The following PLD5 variants were observed in gnomAD, a reference collection of about 807,000 sequenced individuals.
PLD5 encodes inactive phospholipase D5.
PLD5 carries 36 observed loss-of-function variants against 61.1 expected under a neutral mutation model. The ratio of observed to expected loss-of-function variants is 0.59; its 90% CI spans 0.45 to 0.78. The LOEUF (loss-of-function observed/expected upper bound fraction) is 0.78. PLD5 is among the 30% of genes least tolerant of loss of function. The pLI is 0.00. For missense variants in PLD5, 515 were observed against 644.4 expected (o/e 0.80, Z 2.17); for synonymous variants, 243 against 242.8 (o/e 1.00, Z -0.01).
intron 1 of PLD5, among the ~76,000 whole-genome samples, chr1:242,379,360 C>T (rs1367344156): frequency 2.0e-5 from 3 of 152,184 alleles, no homozygotes; most frequent in East Asian, 1.9e-4. Flanking sequence ...CTTCTCTGCA[C>T]GTACCTGGTT....
chr1:242,194,602 CTATG>C (rs773122372), intron 5 of PLD5, among the ~76,000 whole-genome samples: 4,272 of 78,154 alleles, frequency 0.055, 128 homozygotes, highest in African/African-American at 0.12. Flanking sequence ...ATCTATCTAT[CTATG>C]TATCTATCTA....
intron 7 of PLD5, 142 bp from the exon 8 acceptor site, chr1:242,107,981 A>T (rs1661196453): frequency 1.3e-6 from 1 of 760,280 alleles, no homozygotes; most frequent in African/African-American, 1.8e-5. Flanking sequence ...GGAGAGGCTG[A>T]AAAACATACA....
intron 1 of PLD5, among the ~76,000 whole-genome samples, chr1:242,421,114 A>G (rs1665116818): frequency 6.8e-6 from 1 of 146,192 alleles, no homozygotes; most frequent in Admixed American, 7.0e-5. Flanking sequence ...CTGGAGGTGA[A>G]GGTTGCAGTG....
intron 4 of PLD5, among the ~76,000 whole-genome samples, chr1:242,259,095 G>C (rs1673242037): frequency 6.6e-6 from 1 of 152,172 alleles, no homozygotes; most frequent in South Asian, 2.1e-4. Context: ...TAGATGGTAA[G>C]ATCAACCAGG....
At chr1:242,386,559 A>T (rs1441889365) in intron 1 of PLD5, among the ~76,000 whole-genome samples, 1 of 152,186 alleles carries the variant, frequency 6.6e-6, no homozygotes, top group Non-Finnish European at 1.5e-5. Context: ...AATGTGTCCC[A>T]AGCATCACAA....
In PLD5 at chr1:242,089,921, T is replaced by C; in HGVS notation, c.1544A>G (p.Lys515Arg). 6.2e-7 allele frequency: 1 copy of C among 1,614,188 alleles called. No homozygotes were observed. The highest frequency in any genetic ancestry group is 1.3e-5 in the African/African-American group (1 of 75,040). The stretch of plus-strand genomic sequence containing the variant: ...AGTTTTGTTGGAGAGGGGTTTGAGT[T>C]TGAACAGGCTTGAGCAGTTCGGCTG... The part of the protein sequence containing the change: ...TKQPNCSSLF[K>R]LKPLSNKTAT... Residue 515 changes from lysine to arginine, a missense_variant, in exon 10 of 10, where the codon AAA becomes AGA. Lys to Arg is a conservative substitution (Grantham distance 26). Around this residue, in one of 2 missense-constraint regions of PLD5, gnomAD observed 450 missense variants for 598.1 expected, o/e 0.75. Coordinates refer to ENST00000536534, the MANE Select transcript of PLD5 (RefSeq NM_001372062.1).
chr1:242,246,518 A>ACACACACCCAC (rs1256880675), intron 4 of PLD5, among the ~76,000 whole-genome samples: 1 of 73,634 alleles, frequency 1.4e-5, no homozygotes, highest in East Asian at 3.7e-4. Context: ...CACACACACA[A>ACACACACCCAC]AAGCAAAATC....
intron 1 of PLD5, among the ~76,000 whole-genome samples, chr1:242,514,700 G>T (rs1189633519): frequency 2.6e-5 from 4 of 152,186 alleles, no homozygotes; most frequent in Non-Finnish European, 5.9e-5. Context: ...AGAGTGAGTA[G>T]TTTAGTGGGA....
At chr1:242,202,908 G>A (rs1254007511) in intron 5 of PLD5, among the ~76,000 whole-genome samples, 1 of 152,022 alleles carries the variant, frequency 6.6e-6, no homozygotes. Flanking sequence ...ATGCAGGCGG[G>A]GATGCCAGGT....
intron 1 of PLD5, among the ~76,000 whole-genome samples, chr1:242,407,117 C>G (rs1664273356): frequency 6.6e-6 from 1 of 152,078 alleles, no homozygotes; most frequent in Non-Finnish European, 1.5e-5. Context: ...GGGGGCGGGT[C>G]TTTCTCATGA....
At chr1:242,403,516 G>A (rs1664057616) in intron 1 of PLD5, among the ~76,000 whole-genome samples, 1 of 150,780 alleles carries the variant, frequency 6.6e-6, no homozygotes, top group Non-Finnish European at 1.5e-5. Context: ...CCAGGCTGGA[G>A]TGCAATGGCA....
chr1:242,228,936 C>T (rs1179015918), intron 4 of PLD5, among the ~76,000 whole-genome samples: 3 of 152,184 alleles, frequency 2.0e-5, no homozygotes, highest in African/African-American at 7.2e-5. Context: ...AAGGATTTTC[C>T]TTCTTTCCTA....
intron 1 of PLD5, among the ~76,000 whole-genome samples, chr1:242,400,475 T>C (rs1444981942): frequency 1.3e-5 from 2 of 152,116 alleles, no homozygotes; most frequent in African/African-American, 2.4e-5. Context: ...AGTAAATGCA[T>C]AGTCTCTGAT....
chr1:242,168,249 C>T (rs531907911), intron 5 of PLD5, among the ~76,000 whole-genome samples: 10 of 152,228 alleles, frequency 6.6e-5, no homozygotes, highest in South Asian at 2.1e-4. Flanking sequence ...GTAATATGAA[C>T]GTGTCAACAA....
chr1:242,337,573 G>C (rs1414462960), intron 2 of PLD5, among the ~76,000 whole-genome samples: 3 of 152,214 alleles, frequency 2.0e-5, no homozygotes, highest in African/African-American at 7.2e-5. Context: ...AGAGGTTGCA[G>C]TGAGCCAAGA....
chr1:242,516,158 T>C (rs973533730), intron 1 of PLD5, among the ~76,000 whole-genome samples: 1 of 151,686 alleles, frequency 6.6e-6, no homozygotes, highest in African/African-American at 2.4e-5. Context: ...CTGTCTACAT[T>C]TTTCTTATTG....
chr1:242,207,826 A>ATATATATT (rs1388865455), intron 5 of PLD5, among the ~76,000 whole-genome samples: 1,808 of 46,678 alleles, frequency 0.039, 379 homozygotes, highest in Middle Eastern at 0.083. Context: ...TTATATATTT[A>ATATATATT]TATATATTTA....
In PLD5 at chr1:242,306,776, CACACACACACACACA is replaced by C. The variant is rs1558449138; in HGVS notation, c.327-18261_327-18247del. Reference sequence around the variant, plus strand: ...ACACACACACACACACACACACACACACACACACACACACACCCCACTTACGCAAACAAACTCTTT... The same window carrying C: ...ACACACACACACACACACACACACACCCCCACTTACGCAAACAAACTCTTT... On this transcript the variant is annotated intron_variant, in intron 2 of 9. Transcript: ENST00000536534. Among the ~76,000 whole-genome samples, 50 of 114,030 alleles carry C rather than the reference CACACACACACACACA, an allele frequency of 4.4e-4. 2 individuals carry two copies. Among genetic ancestry groups the C allele is most frequent in the Admixed American group, 1.1e-3 (11 of 10,002 alleles). 74.8% of individuals were successfully genotyped at this position (114,030 alleles called of 152,430 possible).
At chr1:242,267,183 GGGAAAA>G (rs1440794120) in intron 3 of PLD5, among the ~76,000 whole-genome samples, 5 of 111,976 alleles carry the variant, frequency 4.5e-5, no homozygotes, top group Non-Finnish European at 7.4e-5. Flanking sequence ...GAAATGGAAA[GGGAAAA>G]GGAAAAGGAA....
Sources: gnomAD v4.1 joint callset for allele counts (sites outside exome capture counted in the v4.1 genomes callset) on GRCh38, gnomAD v4.1.1 for gene constraint, gnomAD v4.1.1 regional missense constraint, MANE v1.5 for transcripts, NCBI Gene and HGNC (gene_info 2026-07-23, HGNC 2026-07-21) for gene names.